Variants in ZDHHC20 observed in about 807,000 individuals in gnomAD.
ZDHHC20 encodes the protein palmitoyltransferase ZDHHC20.
Under a neutral mutation model 57.8 loss-of-function variants are expected in ZDHHC20, and 43 were observed. The observed-to-expected ratio is 0.74, with a 90% CI of 0.58 to 0.96. The LOEUF (loss-of-function observed/expected upper bound fraction) is 0.96, where lower values mean the gene tolerates loss of function less well. Ranked by LOEUF, ZDHHC20 falls within the 40% of genes least tolerant of loss-of-function variation. The pLI, the probability that ZDHHC20 is intolerant of heterozygous loss-of-function variation, is 0.00. For synonymous variants in ZDHHC20, 157 were observed against 153.0 expected (o/e 1.03, Z -0.19); for missense variants, 391 against 441.1 (o/e 0.89, Z 1.02).
chr13:21,422,245 G>A (rs1404226370), intron 2 of ZDHHC20, among the ~76,000 whole-genome samples: 1 of 150,228 alleles, frequency 6.7e-6, no homozygotes, highest in South Asian at 2.1e-4. Flanking sequence ...GTGATAAAGT[G>A]TTCACTGGTC....
chr13:21,409,543 T>G (rs1317454845), intron 4 of ZDHHC20, among the ~76,000 whole-genome samples: 1 of 152,156 alleles, frequency 6.6e-6, no homozygotes, highest in Non-Finnish European at 1.5e-5. Context: ...TTGTTAATCT[T>G]TTTTAAAAGA....
chr13:21,456,453 T>A (rs963411535), intron 1 of ZDHHC20, among the ~76,000 whole-genome samples: 4 of 152,120 alleles, frequency 2.6e-5, no homozygotes, highest in African/African-American at 9.7e-5. Context: ...TATAAAAGTA[T>A]TAAAACAGCA....
At position 21,396,842 on chromosome 13, in the gene ZDHHC20, A is replaced by AAAGAAAG. The variant is rs1555257177; in HGVS notation, c.594+3530_594+3531insCTTTCTT. Among the ~76,000 whole-genome samples, 984 of 148,150 alleles carry AAAGAAAG rather than the reference A, an allele frequency of 6.6e-3. 15 individuals carry two copies. The highest frequency in any genetic ancestry group is 0.023 in the African/African-American group (911 of 39,910). On this transcript the variant is annotated intron_variant, in intron 7 of 12. Transcript: ENST00000400590. ...AGTGAGACTCTGTCTCAAAAAAAAA[A>AAAGAAAG]AAAGAAAGAAAGAAAACTCAGAAAA...
At chr13:21,423,011 G>C (rs1880817502) in intron 2 of ZDHHC20, among the ~76,000 whole-genome samples, 1 of 152,152 alleles carries the variant, frequency 6.6e-6, no homozygotes, top group Non-Finnish European at 1.5e-5. Flanking sequence ...CCAGTTTACA[G>C]ATGTAAACAG....
At chr13:21,447,940 T>G (rs1593282109) in intron 1 of ZDHHC20, among the ~76,000 whole-genome samples, 2 of 101,094 alleles carry the variant, frequency 2.0e-5, no homozygotes, top group Admixed American at 9.7e-5. Flanking sequence ...CGCCGCCCCA[T>G]CTGGGATGTG....
intron 6 of ZDHHC20, among the ~76,000 whole-genome samples, chr13:21,401,142 G>C (rs1331621883): frequency 6.6e-6 from 1 of 151,928 alleles, no homozygotes; most frequent in Non-Finnish European, 1.5e-5. Flanking sequence ...AGCCAGGCGT[G>C]GTGGTGCATG....
At position 21,401,689 on chromosome 13, in the gene ZDHHC20, G is replaced by T; in HGVS notation, c.441-4C>A. On this transcript the variant is annotated splice_region_variant and splice_polypyrimidine_tract_variant and intron_variant, in intron 5 of 12. Coordinates refer to ENST00000400590, the MANE Select transcript of ZDHHC20 (RefSeq NM_001330059.2). ...ATGATCCATCTTAAGAATACATCTA[G>T]GAAACAAACAAGCATAAGAAAATCC... The T allele has an allele frequency of 6.6e-7, 1 of 1,507,078 alleles. No homozygotes were observed. The highest frequency in any genetic ancestry group is 2.6e-5 in the East Asian group (1 of 39,058). The allele number at this position is 1,507,078 out of a possible 1,614,324, so 93.4% of individuals were successfully genotyped here. A position where few individuals can be genotyped will look rare whatever the true frequency, so the allele number is the denominator to read the frequency against.
At chr13:21,401,854 A>G (rs1877676410) in intron 5 of ZDHHC20, among the ~76,000 whole-genome samples, 169 bp from the exon 6 acceptor site, 1 of 152,236 alleles carries the variant, frequency 6.6e-6, no homozygotes, top group Non-Finnish European at 1.5e-5. Flanking sequence ...AAGAATGTTC[A>G]TAGGTAAAAA....
chr13:21,390,293 T>C (rs1386451444), intron 8 of ZDHHC20: 2 of 152,224 alleles, frequency 1.3e-5, no homozygotes, highest in African/African-American at 4.8e-5. Flanking sequence ...TGTTAGCAGA[T>C]ACATGAATAT....
chr13:21,439,569 T>A (rs779495713), intron 1 of ZDHHC20, among the ~76,000 whole-genome samples: 2 of 152,018 alleles, frequency 1.3e-5, no homozygotes, highest in African/African-American at 4.8e-5. Context: ...TAAAAAATCA[T>A]GATTATGAAA....
chr13:21,379,264 T>A (rs1043926964), intron 11 of ZDHHC20, among the ~76,000 whole-genome samples: 9 of 152,040 alleles, frequency 5.9e-5, no homozygotes, highest in African/African-American at 2.2e-4. Context: ...TGGAGCTAAA[T>A]GTCCAGAATC....
intron 4 of ZDHHC20, among the ~76,000 whole-genome samples, chr13:21,403,678 C>A (rs1028104390): frequency 6.6e-6 from 1 of 152,014 alleles, no homozygotes; most frequent in Non-Finnish European, 1.5e-5. Context: ...AAAGAAGTTG[C>A]TTTTTTGTTT....
At chr13:21,446,457 T>C (rs1465829230) in intron 1 of ZDHHC20, among the ~76,000 whole-genome samples, 1 of 152,250 alleles carries the variant, frequency 6.6e-6, no homozygotes, top group African/African-American at 2.4e-5. Context: ...TTTTATATGC[T>C]GTTGAATTAG....
chr13:21,413,452 C>T (rs1193229775), intron 4 of ZDHHC20, among the ~76,000 whole-genome samples, 200 bp downstream of exon 4: 1 of 151,754 alleles, frequency 6.6e-6, no homozygotes, highest in South Asian at 2.1e-4. Context: ...GCCCCTTAAA[C>T]AATTTATATT....
At chr13:21,395,048 A>T (rs990681514) in intron 7 of ZDHHC20, among the ~76,000 whole-genome samples, 4 of 147,638 alleles carry the variant, frequency 2.7e-5, no homozygotes, top group African/African-American at 1.0e-4. Context: ...TGGAATAGCC[A>T]GATTTTAGTT....
intron 7 of ZDHHC20, among the ~76,000 whole-genome samples, chr13:21,396,527 TG>T (rs1876812339): frequency 6.6e-6 from 1 of 151,926 alleles, no homozygotes; most frequent in Non-Finnish European, 1.5e-5. Flanking sequence ...AAAGCAGAAA[TG>T]TAAGACATAA....
intron 1 of ZDHHC20, among the ~76,000 whole-genome samples, chr13:21,436,522 T>C (rs1025045133): frequency 1.3e-5 from 2 of 152,242 alleles, no homozygotes; most frequent in Non-Finnish European, 2.9e-5. Context: ...TGGTGCTCTG[T>C]GATCAGTGAT....
intron 1 of ZDHHC20, among the ~76,000 whole-genome samples, chr13:21,426,735 A>G (rs781446273): frequency 6.6e-6 from 1 of 151,564 alleles, no homozygotes; most frequent in Non-Finnish European, 1.5e-5. Context: ...CTTCCCGAGT[A>G]GCTGGGATTA....
intron 7 of ZDHHC20, among the ~76,000 whole-genome samples, chr13:21,398,447 G>C (rs1877146026): frequency 6.7e-6 from 1 of 148,662 alleles, no homozygotes. Flanking sequence ...CTGGGCAACA[G>C]AGCGAGACTC....
Sources: gnomAD v4.1 joint callset for allele counts (sites outside exome capture counted in the v4.1 genomes callset) on GRCh38, gnomAD v4.1.1 for gene constraint, MANE v1.5 for transcripts, NCBI Gene and HGNC (gene_info 2026-07-23, HGNC 2026-07-21) for gene names.